The following WDPCP variants were observed in gnomAD, a reference collection of about 807,000 sequenced individuals.
The protein encoded by WDPCP is WD repeat containing planar cell polarity effector.
WDPCP carries 71 observed loss-of-function variants against 93.1 expected under a neutral mutation model. The ratio of observed to expected loss-of-function variants is 0.76; its 90% CI spans 0.63 to 0.93. The LOEUF (loss-of-function observed/expected upper bound fraction) is 0.93. Ranked by LOEUF, WDPCP falls within the 40% of genes least tolerant of loss-of-function variation. The pLI is 0.00. For missense variants in WDPCP, 844 were observed against 887.4 expected (o/e 0.95, Z 0.62); for synonymous variants, 315 against 315.0 (o/e 1.00, Z 0.00).
chr2:63,774,950 T>C (rs1450829577), intron 2 of WDPCP, among the ~76,000 whole-genome samples: 1 of 152,182 alleles, frequency 6.6e-6, no homozygotes, highest in Non-Finnish European at 1.5e-5. Context: ...AGACCTCTAA[T>C]GGTTCTTGTC....
chr2:63,673,723 C>T (rs1710372883), intron 2 of WDPCP, among the ~76,000 whole-genome samples: 2 of 152,212 alleles, frequency 1.3e-5, no homozygotes, highest in Non-Finnish European at 1.5e-5. Context: ...CATCATATAT[C>T]TGTACAGTCT....
intron 14 of WDPCP, among the ~76,000 whole-genome samples, chr2:63,216,752 A>G (rs1677385460): frequency 6.6e-6 from 1 of 152,116 alleles, no homozygotes; most frequent in African/African-American, 2.4e-5. Context: ...TAGTTAATGT[A>G]GAACATGGCC....
intron 2 of WDPCP, among the ~76,000 whole-genome samples, chr2:63,762,332 A>G (rs1343488758): frequency 6.6e-6 from 1 of 152,230 alleles, no homozygotes; most frequent in Non-Finnish European, 1.5e-5. Context: ...AGCTAAATGA[A>G]TTAAAATCAG....
At chr2:63,123,939 C>T (rs527460135) in intron 17 of WDPCP, among the ~76,000 whole-genome samples, 1 of 149,086 alleles carries the variant, frequency 6.7e-6, no homozygotes, top group Non-Finnish European at 1.5e-5. Flanking sequence ...CACTTCAAAA[C>T]TTTTTAATGT....
chr2:63,313,318 GGC>G lies in WDPCP; in HGVS notation c.1749-9_1749-8del. 6.2e-7 allele frequency: 1 copy of G among 1,612,544 alleles called. No individual in the cohort carries two copies. The highest frequency in any genetic ancestry group is 1.7e-5 in the Admixed American group (1 of 59,976). ...CTTTTCAAACCTCTGGTACCTACAAGGCAGAAAAAAATATTATGTTAGTTGTG... is the reference window on the plus strand; with the variant it reads ...CTTTTCAAACCTCTGGTACCTACAAGAGAAAAAAATATTATGTTAGTTGTG... On this transcript the variant is annotated splice_polypyrimidine_tract_variant and splice_region_variant and intron_variant, in intron 12 of 17. Transcript: ENST00000272321.
At position 63,782,857 on chromosome 2, in the gene WDPCP, G is replaced by C. The variant is rs79700279; in HGVS notation, n.308+30765C>G. Among the ~76,000 whole-genome samples the C allele has an allele frequency of 8.4e-3, 1,284 of 152,068 alleles. 8 individuals are homozygous for C. The highest frequency in any genetic ancestry group is 0.014 in the Non-Finnish European group (918 of 67,982). ...TTCCCTCAGGAATGGAAAATGGAGA[G>C]AGAAATGGGCAGTTAGTCCAAAAAA... On this transcript the variant is annotated intron_variant and non_coding_transcript_variant, in intron 2 of 4. Coordinates refer to the WDPCP transcript ENST00000467687.
At chr2:63,395,673 A>G (rs954303253) in intron 10 of WDPCP, among the ~76,000 whole-genome samples, 1 of 152,196 alleles carries the variant, frequency 6.6e-6, no homozygotes, top group Non-Finnish European at 1.5e-5. Context: ...GAAATGTTCT[A>G]TATTATGATT....
chr2:63,537,128 C>G (rs1477205383), intron 1 of WDPCP, among the ~76,000 whole-genome samples: 2 of 152,072 alleles, frequency 1.3e-5, no homozygotes, highest in Non-Finnish European at 2.9e-5. Flanking sequence ...GGTTCCAATC[C>G]CATTGAATGG....
At chr2:63,441,290 C>T (rs1297325471) in intron 6 of WDPCP, 1 of 151,972 alleles carries the variant, frequency 6.6e-6, no homozygotes, top group East Asian at 1.9e-4. Flanking sequence ...GGTGATATTT[C>T]CCTTTTGAAG....
chr2:63,721,994 G>A (rs1331277136), intron 2 of WDPCP, among the ~76,000 whole-genome samples: 1 of 152,052 alleles, frequency 6.6e-6, no homozygotes, highest in Non-Finnish European at 1.5e-5. Flanking sequence ...GCCTCCCGAG[G>A]TGCCGGGATT....
intron 1 of WDPCP, among the ~76,000 whole-genome samples, chr2:63,521,587 A>T (rs1170793265): frequency 6.6e-6 from 1 of 152,210 alleles, no homozygotes; most frequent in Non-Finnish European, 1.5e-5. Context: ...GGGAGACTTC[A>T]ACACCCCATT....
intron 2 of WDPCP, among the ~76,000 whole-genome samples, chr2:63,727,360 A>G (rs1669507785): frequency 6.6e-6 from 1 of 152,104 alleles, no homozygotes; most frequent in Admixed American, 6.5e-5. Flanking sequence ...AGTGATTTGC[A>G]TGTGTTGAAA....
chr2:63,272,315 C>G (rs1682726952), intron 13 of WDPCP, among the ~76,000 whole-genome samples: 1 of 152,072 alleles, frequency 6.6e-6, no homozygotes, highest in Admixed American at 6.6e-5. Context: ...ATCAACCTAC[C>G]CAACCAACAC....
At chr2:63,164,605 C>T (rs560175787) in intron 15 of WDPCP, among the ~76,000 whole-genome samples, 1 of 152,132 alleles carries the variant, frequency 6.6e-6, no homozygotes, top group Non-Finnish European at 1.5e-5. Context: ...GCTTCCTGTA[C>T]AGCCTGAGTA....
At chr2:63,597,230 T>C (rs1438697807) in intron 3 of WDPCP, 2 of 937,876 alleles carry the variant, frequency 2.1e-6, no homozygotes, top group Admixed American at 1.2e-4. Flanking sequence ...TCTAATGTTA[T>C]GATTGTTAAA....
chr2:63,362,434 G>A (rs1039978268), intron 12 of WDPCP, among the ~76,000 whole-genome samples: 1 of 151,802 alleles, frequency 6.6e-6, no homozygotes, highest in Non-Finnish European at 1.5e-5. Flanking sequence ...GTCATCAGTG[G>A]TGTTTATTAA....
chr2:63,544,901 T>C (rs995004648), intron 1 of WDPCP, among the ~76,000 whole-genome samples: 1 of 152,182 alleles, frequency 6.6e-6, no homozygotes, highest in African/African-American at 2.4e-5. Flanking sequence ...ATGTACCTGA[T>C]TATTACTAAT....
At chr2:63,200,082 T>C (rs960019659) in intron 14 of WDPCP, among the ~76,000 whole-genome samples, 1 of 152,196 alleles carries the variant, frequency 6.6e-6, no homozygotes, top group Non-Finnish European at 1.5e-5. Flanking sequence ...AGTCCCTTTG[T>C]TTTGGCTGAT....
chr2:63,198,583 TAGTG>T (rs1006381644), intron 14 of WDPCP, among the ~76,000 whole-genome samples: 3 of 152,166 alleles, frequency 2.0e-5, no homozygotes, highest in Non-Finnish European at 1.5e-5. Context: ...GTTCTAGTAA[TAGTG>T]AGTGAGTTAT....
Sources: gnomAD v4.1 joint callset for allele counts (sites outside exome capture counted in the v4.1 genomes callset) on GRCh38, gnomAD v4.1.1 for gene constraint, MANE v1.5 for transcripts, NCBI Gene and HGNC (gene_info 2026-07-23, HGNC 2026-07-21) for gene names.